Variants in GTF2E2 observed in about 807,000 individuals in gnomAD.
GTF2E2 encodes the protein transcription initiation factor IIE subunit beta.
GTF2E2 carries 21 observed loss-of-function variants against 40.5 expected under a neutral mutation model. The observed-to-expected ratio is 0.52, with a 90% CI of 0.37 to 0.75. GTF2E2 has a LOEUF of 0.75. Among genes scored for constraint, GTF2E2 ranks in the 30% least tolerant of loss-of-function variants. The pLI is 0.00. For missense variants in GTF2E2, 298 were observed against 338.4 expected (o/e 0.88, Z 0.94); for synonymous variants, 117 against 121.6 (o/e 0.96, Z 0.25).
chr8:30,637,753 C>A (rs527504973), intron 2 of GTF2E2, among the ~76,000 whole-genome samples: 1 of 152,272 alleles, frequency 6.6e-6, no homozygotes, highest in East Asian at 1.9e-4. Flanking sequence ...GAACTCCTGA[C>A]CCTGTGATCC....
At chr8:30,649,172 G>A (rs1457068923) in intron 2 of GTF2E2, among the ~76,000 whole-genome samples, 2 of 151,858 alleles carry the variant, frequency 1.3e-5, no homozygotes, top group Non-Finnish European at 2.9e-5. Context: ...AGAATGACAG[G>A]CCTACTTTGA....
Position 30,603,742 on chromosome 8 carries a change from T to C in GTF2E2, c.643+3315A>G, listed in dbSNP as rs550577727. 4.6e-5 allele frequency among the ~76,000 whole-genome samples: 7 copies of C among 152,212 alleles called. No individual in the cohort carries two copies. The East Asian group carries it at 7.7e-4, about 17-fold the overall frequency. On this transcript the variant is annotated intron_variant, in intron 6 of 7. Transcript: ENST00000355904. ...CAAGTAGTCAAAAAATAAATATGTA[T>C]GTAGATGATGATCTGATAAGAATAT... is the stretch of plus-strand genomic sequence containing the variant.
chr8:30,657,202 G>T (rs544709712), intron 1 of GTF2E2, among the ~76,000 whole-genome samples: 4 of 152,252 alleles, frequency 2.6e-5, no homozygotes, highest in African/African-American at 9.6e-5. Flanking sequence ...CTAAGTTTTA[G>T]ATCTCTGGAC....
At chr8:30,598,096 T>C (rs1222137981) in intron 6 of GTF2E2, among the ~76,000 whole-genome samples, 1 of 152,234 alleles carries the variant, frequency 6.6e-6, no homozygotes, top group East Asian at 1.9e-4. Context: ...GAATATGTAT[T>C]ACATATCTGT....
chr8:30,617,336 A>G (rs998920401), intron 3 of GTF2E2, among the ~76,000 whole-genome samples: 7 of 152,230 alleles, frequency 4.6e-5, no homozygotes, highest in African/African-American at 1.4e-4. Flanking sequence ...TTTAGTGGTA[A>G]CTACTATGTG....
chr8:30,635,536 C>T (rs1226979168), intron 2 of GTF2E2, among the ~76,000 whole-genome samples: 1 of 152,054 alleles, frequency 6.6e-6, no homozygotes, highest in South Asian at 2.1e-4. Context: ...GTGCACACCA[C>T]CATGCCTGGC....
At chr8:30,657,861 T>TC (rs891300178) in intron 1 of GTF2E2, 112 bp downstream of exon 1, 4 of 152,216 alleles carry the variant, frequency 2.6e-5, no homozygotes, top group African/African-American at 9.6e-5. Flanking sequence ...GGTCCCAGCT[T>TC]CCCGTGAGGT....
intron 3 of GTF2E2, among the ~76,000 whole-genome samples, chr8:30,629,379 A>G (rs547181610): frequency 6.6e-6 from 1 of 152,252 alleles, no homozygotes; most frequent in African/African-American, 2.4e-5. Context: ...TTCAGCATGT[A>G]TCACAATCAC....
At chr8:30,648,846 A>G (rs975903093) in intron 2 of GTF2E2, among the ~76,000 whole-genome samples, 2 of 152,158 alleles carry the variant, frequency 1.3e-5, no homozygotes, top group Admixed American at 1.3e-4. Flanking sequence ...GATTTTTGGG[A>G]TTGTTACCAC....
At chr8:30,609,533 T>G (rs981774339) in intron 5 of GTF2E2, among the ~76,000 whole-genome samples, 3 of 152,126 alleles carry the variant, frequency 2.0e-5, no homozygotes, top group African/African-American at 7.2e-5. Context: ...GCTCATGTAT[T>G]AAAAAACTTA....
chr8:30,619,869 TC>T (rs1336489483), intron 3 of GTF2E2, among the ~76,000 whole-genome samples: 2 of 152,014 alleles, frequency 1.3e-5, no homozygotes, highest in Non-Finnish European at 2.9e-5. Flanking sequence ...AAAAGGGACT[TC>T]ATTGGCATGA....
rs548521139 is a variant in GTF2E2 at position 30,600,868 on chromosome 8, C to G, written c.643+6189G>C. Among the ~76,000 whole-genome samples, 3 of 152,334 alleles carry G rather than the reference C, an allele frequency of 2.0e-5. No homozygotes were observed. The South Asian group carries it at 6.2e-4, about 32-fold the overall frequency. On this transcript the variant is annotated intron_variant, in intron 6 of 7. Coordinates refer to ENST00000355904, the MANE Select transcript of GTF2E2 (RefSeq NM_002095.6). ...GTGCTTCTATTACAGACAGAACCCTCTGTGTGCCTGAAGTGTGCGCACTCA... is the reference window on the plus strand; with the variant it reads ...GTGCTTCTATTACAGACAGAACCCTGTGTGTGCCTGAAGTGTGCGCACTCA...
At chr8:30,654,051 T>C (rs1207364237) in intron 1 of GTF2E2, among the ~76,000 whole-genome samples, 1 of 146,248 alleles carries the variant, frequency 6.8e-6, no homozygotes, top group Non-Finnish European at 1.5e-5. Context: ...ATAATGCCAC[T>C]GCACTCTAGC....
intron 6 of GTF2E2, among the ~76,000 whole-genome samples, chr8:30,588,097 A>G (rs1828736248): frequency 6.6e-6 from 1 of 152,204 alleles, no homozygotes; most frequent in South Asian, 2.1e-4. Context: ...GATGTAGCAG[A>G]GGGAACACCT....
At chr8:30,623,006 G>A (rs1359750739) in intron 3 of GTF2E2, among the ~76,000 whole-genome samples, 1 of 152,078 alleles carries the variant, frequency 6.6e-6, no homozygotes, top group Non-Finnish European at 1.5e-5. Context: ...CAGCTGACAG[G>A]ATTAAGAGAT....
intron 6 of GTF2E2, among the ~76,000 whole-genome samples, chr8:30,602,866 T>C (rs1476864093): frequency 1.3e-5 from 2 of 152,134 alleles, no homozygotes; most frequent in Non-Finnish European, 2.9e-5. Context: ...TCTGCCTGGA[T>C]ACTCGCCTTA....
chr8:30,619,082 C>T (rs1366615314), intron 3 of GTF2E2, among the ~76,000 whole-genome samples: 1 of 151,956 alleles, frequency 6.6e-6, no homozygotes, highest in African/African-American at 2.4e-5. Flanking sequence ...GCTGAGACTA[C>T]AGGCATGTGC....
intron 3 of GTF2E2, among the ~76,000 whole-genome samples, chr8:30,629,051 C>A (rs979314245): frequency 6.6e-6 from 1 of 151,940 alleles, no homozygotes; most frequent in African/African-American, 2.4e-5. Flanking sequence ...ACCACTCATA[C>A]ATTCCTAAAC....
intron 2 of GTF2E2, chr8:30,645,239 C>T: frequency 7.1e-7 from 1 of 1,405,986 alleles, no homozygotes; most frequent in Non-Finnish European, 9.4e-7. Flanking sequence ...ATTAACAGAT[C>T]TGTAGTTTGC....
Sources: gnomAD v4.1 joint callset for allele counts (sites outside exome capture counted in the v4.1 genomes callset) on GRCh38, gnomAD v4.1.1 for gene constraint, MANE v1.5 for transcripts, NCBI Gene and HGNC (gene_info 2026-07-23, HGNC 2026-07-21) for gene names.